SNX11: variants seen among roughly 807,000 people sequenced by gnomAD.
The protein encoded by SNX11 is sorting nexin 11.
In SNX11, 19 loss-of-function variants were observed where a neutral mutation model predicts 30.7. The observed-to-expected ratio is 0.62, with a 90% confidence interval of 0.43 to 0.91. SNX11 has a LOEUF of 0.91. Among genes scored for constraint, SNX11 ranks in the 40% least tolerant of loss-of-function variants. SNX11 has a pLI of 0.00. For synonymous variants in SNX11, 112 were observed against 119.0 expected, an observed-to-expected ratio of 0.94 and a Z score of 0.38; for missense variants, 302 against 326.7, an observed-to-expected ratio of 0.92 and a Z score of 0.58.
rs1239750440 is a variant in SNX11, at chr17:48,122,904, C to G, written c.*1396C>G. 1 of 152,212 alleles carries G rather than the reference C, an allele frequency of 6.6e-6. No homozygotes were observed. The highest frequency in any genetic ancestry group is 1.5e-5 in the Non-Finnish European group (1 of 68,050). 9.4% of individuals were successfully genotyped at this position (152,212 alleles called of 1,614,324 possible). ...CTGCATTGTGTGTGCAGCTCAAGTTCACCACTGGAGGAAGGATTGTCTTCC... is the reference window on the plus strand; with the variant it reads ...CTGCATTGTGTGTGCAGCTCAAGTTGACCACTGGAGGAAGGATTGTCTTCC... On this transcript the variant is annotated 3_prime_UTR_variant, in exon 7 of 7. Transcript: ENST00000359238.
At chr17:48,111,233 T>C in intron 1 of SNX11, 1 of 487,390 alleles carries the variant, frequency 2.1e-6, no homozygotes, top group Non-Finnish European at 2.7e-6. Context: ...AGCTCTATGA[T>C]TCACCTGTGG....
At position 48,112,031 on chromosome 17, in the gene SNX11, A is replaced by T; in HGVS notation, c.-13A>T. ...TCCTGTATCCTCTGTCCCTCATCAG[A>T]TGTTTCCTTCCAATGGGCTTTTGGT... On this transcript the variant is annotated splice_region_variant and 5_prime_UTR_variant, in exon 2 of 7. An upstream start codon of the reference 5' UTR is lost. Transcript: ENST00000359238. The T allele has an allele frequency of 1.2e-6, 2 of 1,611,614 alleles. No homozygotes were observed. The highest frequency in any genetic ancestry group is 2.7e-5 in the African/African-American group (2 of 75,012).
At chr17:48,112,472 G>A in intron 2 of SNX11, 102 bp from the exon 3 acceptor site, 1 of 736,954 alleles carries the variant, frequency 1.4e-6, no homozygotes. Flanking sequence ...AGTTGGTGTT[G>A]AGTGAATGAA....
chr17:48,119,039 C>T lies in SNX11; in HGVS notation c.392C>T (p.Ser131Leu), dbSNP rs371129278. Residue 131 changes from serine (S) to leucine (L), a missense_variant, in exon 6 of 7, where the codon TCG becomes TTG. Physicochemically the swap from Ser to Leu is moderately radical, Grantham distance 145. Transcript: ENST00000359238. ...QLHLFLQSQL[S>L]VPEIEACVQG... ...CACCTATTCCTGCAAAGCCAGCTCT[C>T]GGTGCCTGAGATAGAAGCCTGTGTC... 22 of 1,614,002 alleles carry T rather than the reference C, an allele frequency of 1.4e-5. No individual in the cohort carries two copies. The highest frequency in any genetic ancestry group is 2.7e-5 in the African/African-American group (2 of 74,922).
At chr17:48,117,355 C>T (rs1201966673) in intron 4 of SNX11, among the ~76,000 whole-genome samples, 6 of 151,060 alleles carry the variant, frequency 4.0e-5, no homozygotes, top group Admixed American at 6.6e-5. Context: ...CCCAGGTTCA[C>T]GCCATTCTCC....
intron 1 of SNX11, among the ~76,000 whole-genome samples, chr17:48,108,281 T>C (rs538780715): frequency 3.3e-5 from 5 of 152,298 alleles, no homozygotes; most frequent in African/African-American, 1.2e-4. Flanking sequence ...CGATTAGAGA[T>C]GGACAAAAAG....
In SNX11 at chr17:48,123,492, T is replaced by C. The variant is rs1014717298; in HGVS notation, c.*1984T>C. Among the ~76,000 whole-genome samples, 1 of 152,092 alleles carries C rather than the reference T, an allele frequency of 6.6e-6. No individual in the cohort carries two copies. Among genetic ancestry groups the C allele is most frequent in the African/African-American group, 2.4e-5 (1 of 41,432 alleles). On this transcript the variant is annotated 3_prime_UTR_variant, in exon 7 of 7. Transcript: ENST00000359238. Reference sequence around the variant, plus strand: ...CTTCCTGGAGTTGGTGCTCAGCAGCTAGTTCTGCCAGCCGGCTAGGCTGCT... The same window carrying C: ...CTTCCTGGAGTTGGTGCTCAGCAGCCAGTTCTGCCAGCCGGCTAGGCTGCT...
At position 48,121,312 on chromosome 17, in the gene SNX11, T is replaced by C; in HGVS notation, c.617T>C (p.Val206Ala). The C allele has an allele frequency of 6.2e-7, 1 of 1,614,154 alleles. No individual in the cohort carries two copies. Among genetic ancestry groups the C allele is most frequent in the Non-Finnish European group, 8.5e-7 (1 of 1,180,012 alleles). ...AGTGAAGAAAAGGACCATTTAGAAG[T>C]GTGGGCTCCAGTTGTTGACTCTGAG... ...PPSEEKDHLE[V>A]WAPVVDSEVP... Residue 206 changes from valine (V) to alanine (A), a missense_variant, in exon 7 of 7, where the codon GTG (valine) becomes GCG (alanine). Physicochemically the swap from Val to Ala is moderately conservative, Grantham distance 64. Coordinates refer to ENST00000359238, the MANE Select transcript of SNX11 (RefSeq NM_013323.3).
intron 1 of SNX11, chr17:48,108,113 GT>G (rs1402903526): frequency 6.6e-6 from 1 of 152,240 alleles, no homozygotes; most frequent in African/African-American, 2.4e-5. Flanking sequence ...GTCCTAGTTT[GT>G]TGAGAATGGA....
chr17:48,113,346 C>T lies in SNX11; in HGVS notation c.175C>T (p.Arg59Cys), dbSNP rs764315505. 5 of 1,613,542 alleles carry T rather than the reference C, an allele frequency of 3.1e-6. No individual in the cohort carries two copies. The highest frequency in any genetic ancestry group is 4.2e-6 in the Non-Finnish European group (5 of 1,179,794). Residue 59 changes from arginine (R) to cysteine (C), a missense_variant, in exon 4 of 7, where the codon CGC becomes TGC. Arg to Cys is a radical substitution (Grantham distance 180). Transcript: ENST00000359238. The part of the protein sequence containing the change: ...FTAKTSCVRR[R>C]YREFVWLRKQ... ...TGCCAAGACTTCCTGTGTGCGGCGC[C>T]GCTACCGTGAGTTCGTGTGGCTGAG...
At chr17:48,112,937 C>T in intron 3 of SNX11, 1 of 261,542 alleles carries the variant, frequency 3.8e-6, no homozygotes. Context: ...GGGGTTTCAT[C>T]ATGTTGGCCA....
rs1020359499 is a variant in SNX11 at position 48,120,204 on chromosome 17, T to G, written c.539+1018T>G. Among the ~76,000 whole-genome samples the G allele has an allele frequency of 2.3e-4, 5 of 21,534 alleles. No homozygotes were observed. In the Admixed American group the frequency reaches 2.7e-3, roughly 12 times the overall value. The allele number at this position is 21,534 out of a possible 152,430, so 14.1% of individuals were successfully genotyped here. A position where few individuals can be genotyped will look rare whatever the true frequency, so the allele number is the denominator to read the frequency against. ...ATCCATTCACTTGCATTTATCTGTT[T>G]TTTTTTTTTTTTTTTTTTTTGAGAC... On this transcript the variant is annotated intron_variant, in intron 6 of 6. Coordinates refer to ENST00000359238, the MANE Select transcript of SNX11 (RefSeq NM_013323.3).
At chr17:48,108,882 G>T (rs2063461850) in intron 1 of SNX11, among the ~76,000 whole-genome samples, 1 of 152,198 alleles carries the variant, frequency 6.6e-6, no homozygotes, top group African/African-American at 2.4e-5. Flanking sequence ...GGAGAAGAGT[G>T]GTTGCTAGAA....
rs574636264 is a variant in SNX11, at chr17:48,117,062, G to GT, written c.231-1633dup. ...AATTTTCTTTTCTTTTCTCTTTTTTGTTTTTTTTTGAGATGGAGTTTCGCT... is the reference window on the plus strand; with the variant it reads ...AATTTTCTTTTCTTTTCTCTTTTTTGTTTTTTTTTTGAGATGGAGTTTCGCT... On this transcript the variant is annotated intron_variant, in intron 4 of 6. Coordinates refer to ENST00000359238, the MANE Select transcript of SNX11 (RefSeq NM_013323.3). Among the ~76,000 whole-genome samples, 160 of 147,472 alleles carry GT rather than the reference G, an allele frequency of 1.1e-3. 3 individuals carry two copies. In the East Asian group the frequency reaches 0.02, roughly 18 times the overall value.
intron 4 of SNX11, among the ~76,000 whole-genome samples, chr17:48,115,911 G>GTT (rs138938927): frequency 1.1e-4 from 15 of 142,402 alleles, no homozygotes; most frequent in African/African-American, 3.6e-4. Flanking sequence ...AGCCTGGCCT[G>GTT]TTTTTTTTTT....
chr17:48,116,823 C>T (rs1018778972), intron 4 of SNX11, among the ~76,000 whole-genome samples: 1 of 151,568 alleles, frequency 6.6e-6, no homozygotes, highest in African/African-American at 2.4e-5. Flanking sequence ...GCCTTGTCCT[C>T]CCAAAGTGCT....
At chr17:48,119,238 AC>A in intron 6 of SNX11, 52 bp downstream of exon 6, 1 of 1,345,812 alleles carries the variant, frequency 7.4e-7, no homozygotes. Flanking sequence ...TATAACCTGG[AC>A]CAGAGAGGTG....
chr17:48,112,667 A>C lies in SNX11; in HGVS notation c.129+7A>C, dbSNP rs370606414. ...TTATAAGATATTCCTCCATGTGAGT[A>C]CATCAAGCTTCTGTATTGGGGTCAG... On this transcript the variant is annotated splice_region_variant and intron_variant, in intron 3 of 6. Transcript: ENST00000359238. The C allele has an allele frequency of 5.6e-6, 9 of 1,598,828 alleles. No homozygotes were observed. The highest frequency in any genetic ancestry group is 7.7e-6 in the Non-Finnish European group (9 of 1,166,756).
intron 4 of SNX11, among the ~76,000 whole-genome samples, chr17:48,114,747 C>G (rs558100251): frequency 6.8e-6 from 1 of 147,676 alleles, no homozygotes; most frequent in East Asian, 2.0e-4. Flanking sequence ...GCAGTGACAC[C>G]CTCCACCTCC....
Sources: allele counts gnomAD v4.1 joint callset (sites outside exome capture counted in the v4.1 genomes callset), GRCh38; gene constraint gnomAD v4.1.1; transcripts MANE v1.5; gene names NCBI Gene and HGNC (gene_info 2026-07-23, HGNC 2026-07-21).